Variants in OPCML observed in about 807,000 individuals in gnomAD.
OPCML encodes the protein opioid-binding protein/cell adhesion molecule.
Under a neutral mutation model 37.8 loss-of-function variants are expected in OPCML, and 13 were observed. The observed-to-expected ratio is 0.34, with a 90% CI of 0.22 to 0.55. The LOEUF is 0.55. Ranked by LOEUF, OPCML falls within the 20% of genes least tolerant of loss-of-function variation. The pLI, the probability that OPCML is intolerant of heterozygous loss-of-function variation, is 0.91. For synonymous variants in OPCML, 176 were observed against 168.8 expected (o/e 1.04, Z -0.33); for missense variants, 341 against 435.6 (o/e 0.78, Z 1.93).
At chr11:132,997,588 A>C (rs975129319) in intron 1 of OPCML, among the ~76,000 whole-genome samples, 5 of 152,146 alleles carry the variant, frequency 3.3e-5, no homozygotes, top group African/African-American at 1.2e-4. Flanking sequence ...TGTGCTCCCT[A>C]GGCAACAGGG....
intron 1 of OPCML, among the ~76,000 whole-genome samples, chr11:133,408,022 CT>C (rs2136858328): frequency 6.6e-6 from 1 of 152,268 alleles, no homozygotes; most frequent in African/African-American, 2.4e-5. Flanking sequence ...GCAGTAAGCC[CT>C]CTCTTAACAT....
rs548115988 is a variant in OPCML, at chr11:133,206,052, G to C, written c.62-263042C>G. On this transcript the variant is annotated intron_variant, in intron 1 of 7. Coordinates refer to ENST00000524381, the MANE Select transcript of OPCML (RefSeq NM_001012393.5). This position sits in a 1 kb window ranked among gnomAD's most constrained non-coding sequence, Gnocchi z 4.7. Reference sequence around the variant, plus strand: ...AGAGCTAATGTACATACATGATGTAGTACCATGTCTAGTGCCTACAGTTAA... The same window carrying C: ...AGAGCTAATGTACATACATGATGTACTACCATGTCTAGTGCCTACAGTTAA... 2.6e-5 allele frequency among the ~76,000 whole-genome samples: 4 copies of C among 152,296 alleles called. No homozygotes were observed. The highest frequency in any genetic ancestry group is 9.6e-5 in the African/African-American group (4 of 41,566).
At chr11:132,913,947 C>T (rs186543669) in intron 2 of OPCML, among the ~76,000 whole-genome samples, 10 of 152,292 alleles carry the variant, frequency 6.6e-5, no homozygotes, top group Admixed American at 1.3e-4. Context: ...ACTCATTTTC[C>T]GGTGTTTTCT....
Position 133,342,674 on chromosome 11 carries a change from C to T in OPCML, c.61+189590G>A, listed in dbSNP as rs1408304098. Among the ~76,000 whole-genome samples, 3 of 152,108 alleles carry T rather than the reference C, an allele frequency of 2.0e-5. No individual in the cohort carries two copies. The East Asian group carries it at 5.8e-4, about 29-fold the overall frequency. On this transcript the variant is annotated intron_variant, in intron 1 of 7. Transcript: ENST00000524381. ...GGCAGTCTACAGGCAGCGGACAGCT[C>T]CAGTCTCCTGCCCTGTGTTTGCAAA...
At chr11:132,526,743 A>G (rs930341736) in intron 4 of OPCML, among the ~76,000 whole-genome samples, 2 of 152,188 alleles carry the variant, frequency 1.3e-5, no homozygotes, top group African/African-American at 4.8e-5. Context: ...TTCAAATTTA[A>G]TTGCAATATA....
chr11:133,168,762 C>T (rs1423788864), intron 1 of OPCML, among the ~76,000 whole-genome samples: 1 of 152,116 alleles, frequency 6.6e-6, no homozygotes, highest in Non-Finnish European at 1.5e-5. Flanking sequence ...CACTGATGTT[C>T]GATATTTTTC....
At chr11:132,629,345 G>C (rs1389254958) in intron 3 of OPCML, among the ~76,000 whole-genome samples, 1 of 152,174 alleles carries the variant, frequency 6.6e-6, no homozygotes, top group Non-Finnish European at 1.5e-5. Context: ...TGCTTGGCTT[G>C]CTTATGCAGT....
At chr11:132,439,149 C>T (rs1344948259) in intron 4 of OPCML, among the ~76,000 whole-genome samples, 4 of 152,168 alleles carry the variant, frequency 2.6e-5, no homozygotes, top group African/African-American at 9.6e-5. Context: ...CAAAATGTAC[C>T]CATAGATGTG....
At chr11:132,665,435 G>A (rs1056848209) in intron 2 of OPCML, among the ~76,000 whole-genome samples, 1 of 152,208 alleles carries the variant, frequency 6.6e-6, no homozygotes, top group Non-Finnish European at 1.5e-5. Flanking sequence ...AGGCAACTGT[G>A]CTGACGGCAG....
At chr11:132,684,557 T>A (rs1943087622) in intron 2 of OPCML, among the ~76,000 whole-genome samples, 2 of 152,204 alleles carry the variant, frequency 1.3e-5, no homozygotes, top group East Asian at 1.9e-4. Flanking sequence ...TTAATATATA[T>A]TTTTCTACCT....
chr11:133,110,057 C>G (rs548960938), intron 1 of OPCML, among the ~76,000 whole-genome samples: 50 of 152,202 alleles, frequency 3.3e-4, no homozygotes, highest in African/African-American at 1.1e-3. Context: ...GTGAGCAGAA[C>G]CAGGAAAGCT....
intron 1 of OPCML, chr11:133,361,086 A>T (rs1359951200): frequency 2.0e-5 from 3 of 152,340 alleles, no homozygotes; most frequent in African/African-American, 7.2e-5. Context: ...CCCAAGGGAC[A>T]CTTCCTATGA....
chr11:132,887,484 AC>A (rs1382694821), intron 2 of OPCML, among the ~76,000 whole-genome samples: 22 of 152,108 alleles, frequency 1.4e-4, no homozygotes. Flanking sequence ...TTTTGCACTC[AC>A]CCCGAAGATG....
intron 1 of OPCML, chr11:133,419,250 T>A: frequency 5.1e-6 from 5 of 985,042 alleles, no homozygotes; most frequent in Non-Finnish European, 6.0e-6. Flanking sequence ...TGGGAGAGAG[T>A]ATATGAGTTT....
chr11:132,811,675 C>A (rs761026790), intron 2 of OPCML, among the ~76,000 whole-genome samples: 2 of 152,124 alleles, frequency 1.3e-5, no homozygotes, highest in Non-Finnish European at 2.9e-5. Context: ...TTAATGAACC[C>A]CCAACAGCCT....
intron 1 of OPCML, among the ~76,000 whole-genome samples, chr11:133,072,127 G>A (rs2137011754): frequency 6.6e-6 from 1 of 152,310 alleles, no homozygotes; most frequent in East Asian, 1.9e-4. Context: ...AGGGTGGGAT[G>A]GGGAGAGACC....
chr11:133,158,708 TTAAAAAAATA>T (rs1359082188), intron 1 of OPCML, among the ~76,000 whole-genome samples: 29 of 109,028 alleles, frequency 2.7e-4, no homozygotes, highest in African/African-American at 1.1e-3. Flanking sequence ...AAAAATAAAA[TTAAAAAAATA>T]AAATAAAATA....
chr11:133,167,550 G>A (rs1168111138), intron 1 of OPCML, among the ~76,000 whole-genome samples: 1 of 149,204 alleles, frequency 6.7e-6, no homozygotes, highest in African/African-American at 2.5e-5. Context: ...TTCAGGTTAT[G>A]GATAGCTCAA....
At chr11:133,182,913 C>T (rs1937904395) in intron 1 of OPCML, among the ~76,000 whole-genome samples, 1 of 152,082 alleles carries the variant, frequency 6.6e-6, no homozygotes, top group African/African-American at 2.4e-5. Flanking sequence ...CGCCCAACCC[C>T]AATTCATCTG....
Sources: allele counts gnomAD v4.1 joint callset (sites outside exome capture counted in the v4.1 genomes callset), GRCh38; gene constraint gnomAD v4.1.1; non-coding constraint Gnocchi (gnomAD v3.1); transcripts MANE v1.5; gene names NCBI Gene and HGNC (gene_info 2026-07-23, HGNC 2026-07-21).